Variants in KIF25 observed in about 807,000 individuals in gnomAD.
The protein encoded by KIF25 is kinesin family member 25, also known as kinesin-like protein KIF25.
Under a neutral mutation model 32.9 loss-of-function variants are expected in KIF25, and 19 were observed. That is an observed-to-expected ratio of 0.58 (90% CI 0.40 to 0.85). KIF25 has a LOEUF of 0.85. KIF25 is among the 40% of genes least tolerant of loss of function. The pLI, the probability that KIF25 is intolerant of heterozygous loss-of-function variation, is 0.00. For synonymous variants in KIF25, 225 were observed against 213.7 expected, an observed-to-expected ratio of 1.05 and a Z score of -0.46; for missense variants, 485 against 507.0, an observed-to-expected ratio of 0.96 and a Z score of 0.42.
intron 2 of KIF25, among the ~76,000 whole-genome samples, chr6:168,000,134 C>T (rs1798478094): frequency 1.9e-5 from 2 of 102,884 alleles, no homozygotes; most frequent in Non-Finnish European, 3.9e-5. Context: ...CTACACCTGA[C>T]CCTCCCCACT....
intron 5 of KIF25, among the ~76,000 whole-genome samples, chr6:168,019,578 C>T (rs227235): frequency 0.3 from 45,423 of 152,046 alleles, 6,740 homozygotes; most frequent in Non-Finnish European, 0.34. Flanking sequence ...GACTCCATAG[C>T]GAGTGGACAG....
Position 168,033,220 on chromosome 6 carries a change from T to C in KIF25, c.168-662T>C, listed in dbSNP as rs190060553. The stretch of plus-strand genomic sequence containing the variant: ...CAAAATTTTTCTTTTGTATGAAACA[T>C]ACGCAAAAATGGCTCATGCTTGTAA... On this transcript the variant is annotated intron_variant, in intron 7 of 12. Transcript: ENST00000643607. Among the ~76,000 whole-genome samples, 17 of 152,168 alleles carry C rather than the reference T, an allele frequency of 1.1e-4. No homozygotes were observed. In the East Asian group the frequency reaches 3.3e-3, roughly 29 times the overall value.
Position 168,041,965 on chromosome 6 carries a change from G to A in KIF25, c.647-4G>A, listed in dbSNP as rs370368079. 194 of 1,551,258 alleles carry A rather than the reference G, an allele frequency of 1.3e-4. 1 individual carries two copies. In the African/African-American group the frequency reaches 2.4e-3, roughly 19 times the overall value. ...CCTCCTCGTCGCTCCTTGGTCCCTTGCAGCAGACCAAGCCTGCAGTGCCAC... is the reference window on the plus strand; with the variant it reads ...CCTCCTCGTCGCTCCTTGGTCCCTTACAGCAGACCAAGCCTGCAGTGCCAC... On this transcript the variant is annotated splice_polypyrimidine_tract_variant and splice_region_variant and intron_variant, in intron 10 of 12. Transcript: ENST00000643607.
chr6:168,001,554 TCGGGCAGG>T, intron 2 of KIF25, among the ~76,000 whole-genome samples: 2 of 98,884 alleles, frequency 2.0e-5, no homozygotes, highest in African/African-American at 9.2e-5. Flanking sequence ...AGGCGTGGCC[TCGGGCAGG>T]TGAGAAGACA....
rs567020352 is a variant in KIF25 at position 168,007,336 on chromosome 6, G to A, written c.-163+3633G>A. Among the ~76,000 whole-genome samples, 8 of 152,204 alleles carry A rather than the reference G, an allele frequency of 5.3e-5. No individual in the cohort carries two copies. The East Asian group carries it at 5.8e-4, about 11-fold the overall frequency. ...CTGAGGTAGGAGATCGCTTGAATCCGGGAGGCAGAGGCTGCAGTGAGCTGA... is the reference window on the plus strand; with the variant it reads ...CTGAGGTAGGAGATCGCTTGAATCCAGGAGGCAGAGGCTGCAGTGAGCTGA... On this transcript the variant is annotated intron_variant, in intron 4 of 12. Transcript: ENST00000643607.
chr6:168,040,671 G>T (rs1272924718), intron 10 of KIF25, among the ~76,000 whole-genome samples: 1 of 152,152 alleles, frequency 6.6e-6, no homozygotes, highest in Non-Finnish European at 1.5e-5. Flanking sequence ...TTCAGTATCT[G>T]CATCCCAAAC....
At chr6:168,013,817 G>C (rs765539258) in intron 4 of KIF25, among the ~76,000 whole-genome samples, 1 of 151,946 alleles carries the variant, frequency 6.6e-6, no homozygotes, top group Admixed American at 6.5e-5. Context: ...CTGGACTTCC[G>C]GTCAACACAG....
intron 10 of KIF25, among the ~76,000 whole-genome samples, chr6:168,041,482 A>G (rs1454850551): frequency 1.3e-5 from 2 of 152,254 alleles, no homozygotes; most frequent in East Asian, 1.9e-4. Context: ...AAAATTGTGT[A>G]TACTTTCTAT....
At chr6:168,009,956 C>CT (rs1204589438) in intron 4 of KIF25, among the ~76,000 whole-genome samples, 5 of 151,710 alleles carry the variant, frequency 3.3e-5, no homozygotes. Context: ...GGTCTTCCTT[C>CT]TTTTTTCTGT....
rs145189139 is a variant in KIF25, at chr6:168,044,923, G to A, written c.1082G>A (p.Arg361Gln). 37 of 1,612,860 alleles carry A rather than the reference G, an allele frequency of 2.3e-5. No individual in the cohort carries two copies. The highest frequency in any genetic ancestry group is 2.9e-5 in the Non-Finnish European group (34 of 1,179,216). ...GGCCTGGGTTTCGGGATCCGAGCTC[G>A]GCAAGTCCAGCGAGGCCCTGCCCGA... ...LQGLGFGIRA[R>Q]QVQRGPARKK... Residue 361 changes from arginine to glutamine, a missense_variant, in exon 13 of 13, where the codon CGG becomes CAG. Physicochemically the swap from Arg to Gln is conservative, Grantham distance 43. Around this residue, in one of 2 missense-constraint regions of KIF25, gnomAD observed 480 missense variants for 470.3 expected, o/e 1.02. Transcript: ENST00000643607.
chr6:168,044,367 C>T (rs1265460368), intron 12 of KIF25, among the ~76,000 whole-genome samples: 3 of 99,634 alleles, frequency 3.0e-5, no homozygotes, highest in African/African-American at 4.0e-5. Flanking sequence ...CTGACCCTCC[C>T]GGACCCAGGT....
At chr6:168,037,822 T>C (rs1799046595) in intron 8 of KIF25, among the ~76,000 whole-genome samples, 1 of 152,144 alleles carries the variant, frequency 6.6e-6, no homozygotes, top group African/African-American at 2.4e-5. Context: ...TTCAAGCGAT[T>C]CTCCTGCCTC....
intron 5 of KIF25, among the ~76,000 whole-genome samples, chr6:168,018,441 T>C (rs6916688): frequency 0.042 from 6,349 of 152,250 alleles, 457 homozygotes; most frequent in African/African-American, 0.15. Flanking sequence ...AAATGCATTT[T>C]CAACTTGCAA....
rs73788677 is a variant in KIF25, at chr6:168,012,460, A to C, written c.-162-5513A>C. Among the ~76,000 whole-genome samples, 1,046 of 152,284 alleles carry C rather than the reference A, an allele frequency of 6.9e-3. 16 individuals are homozygous for C. The highest frequency in any genetic ancestry group is 0.024 in the African/African-American group (996 of 41,554). On this transcript the variant is annotated intron_variant, in intron 4 of 12. Transcript: ENST00000643607. ...GTTTCTCAGTGGCCTACAGTGAGGG[A>C]GTCTGTGGTAACAGTGATGCGGCTT...
intron 5 of KIF25, among the ~76,000 whole-genome samples, chr6:168,025,711 T>C (rs1798851005): frequency 6.6e-6 from 1 of 152,232 alleles, no homozygotes; most frequent in South Asian, 2.1e-4. Flanking sequence ...GTTAAAGTGC[T>C]GAAGGATTCA....
chr6:168,010,838 T>A (rs552649452), intron 4 of KIF25, among the ~76,000 whole-genome samples: 2 of 152,294 alleles, frequency 1.3e-5, no homozygotes, highest in South Asian at 4.1e-4. Flanking sequence ...CTTGCTGAAT[T>A]GATCCCTTTA....
intron 7 of KIF25, among the ~76,000 whole-genome samples, chr6:168,031,264 C>T (rs560300998): frequency 1.6e-4 from 24 of 152,314 alleles, no homozygotes; most frequent in African/African-American, 5.8e-4. Context: ...TATACAACTA[C>T]TGATGTCAAA....
intron 5 of KIF25, among the ~76,000 whole-genome samples, chr6:168,018,501 G>A (rs972292071): frequency 6.6e-6 from 1 of 152,158 alleles, no homozygotes; most frequent in African/African-American, 2.4e-5. Flanking sequence ...ATCATAAGAC[G>A]AGGGACATCT....
intron 9 of KIF25, 57 bp downstream of exon 9, chr6:168,038,786 C>CG: frequency 6.4e-7 from 1 of 1,556,984 alleles, no homozygotes; most frequent in Non-Finnish European, 8.8e-7. Flanking sequence ...GCACCTGCCC[C>CG]TCCCACCTGG....
Sources: allele counts gnomAD v4.1 joint callset (sites outside exome capture counted in the v4.1 genomes callset), GRCh38; gene constraint gnomAD v4.1.1; regional missense constraint gnomAD v4.1.1; transcripts MANE v1.5; gene names NCBI Gene and HGNC (gene_info 2026-07-23, HGNC 2026-07-21).